Variants in GABPA observed in about 807,000 individuals in gnomAD.
The protein encoded by GABPA is GA-binding protein alpha chain.
GABPA carries 4 observed loss-of-function variants against 59.4 expected under a neutral mutation model. The ratio of observed to expected loss-of-function variants is 0.07; its 90% CI spans 0.03 to 0.15. The LOEUF (loss-of-function observed/expected upper bound fraction) is 0.15. GABPA is among the 10% of genes least tolerant of loss of function. GABPA has a pLI of 1.00. For synonymous variants in GABPA, 164 were observed against 183.1 expected, an observed-to-expected ratio of 0.90 and a Z score of 0.84; for missense variants, 251 against 543.8, an observed-to-expected ratio of 0.46 and a Z score of 5.36.
chr21:25,736,834 G>A (rs948728482), intron 1 of GABPA, among the ~76,000 whole-genome samples: 2 of 152,088 alleles, frequency 1.3e-5, no homozygotes, highest in Non-Finnish European at 2.9e-5. Context: ...TGTATGCTTT[G>A]CTTTTTCTTA....
At chr21:25,737,524 A>G (rs993372423) in intron 1 of GABPA, among the ~76,000 whole-genome samples, 3 of 151,122 alleles carry the variant, frequency 2.0e-5, no homozygotes, top group Non-Finnish European at 4.4e-5. Context: ...TTTTTTCTCT[A>G]TTTGGCACTT....
intron 5 of GABPA, among the ~76,000 whole-genome samples, chr21:25,753,981 A>G (rs1365386577): frequency 1.3e-5 from 2 of 152,152 alleles, no homozygotes. Flanking sequence ...TACCCATGGA[A>G]CTGAAAGAGA....
chr21:25,759,191 G>A (rs1028289873), intron 6 of GABPA, among the ~76,000 whole-genome samples: 3 of 152,116 alleles, frequency 2.0e-5, no homozygotes, highest in African/African-American at 7.2e-5. Context: ...TTAAGACACC[G>A]AAAGCAACCC....
intron 1 of GABPA, among the ~76,000 whole-genome samples, chr21:25,740,161 C>T (rs1004085786): frequency 6.6e-6 from 1 of 152,210 alleles, no homozygotes; most frequent in Admixed American, 6.5e-5. Flanking sequence ...CATGGAGCCA[C>T]AAGTGGTTTA....
At chr21:25,762,981 CT>C in intron 7 of GABPA, 5 of 380,416 alleles carry the variant, frequency 1.3e-5, no homozygotes, top group Admixed American at 3.4e-5. Context: ...TTTTGCTTGG[CT>C]TTTCCCCTTT....
rs898384946 is a variant in GABPA at position 25,735,189 on chromosome 21, T to G, written c.-416T>G. On this transcript the variant is annotated 5_prime_UTR_variant, in exon 1 of 10. Transcript: ENST00000400075. Reference sequence around the variant, plus strand: ...TACGCATGCGCTCTTTGAGTGGCCTTTCCCCTAGTTCAAGCTCCCCTCCGA... The same window carrying G: ...TACGCATGCGCTCTTTGAGTGGCCTGTCCCCTAGTTCAAGCTCCCCTCCGA... The G allele has an allele frequency of 3.3e-6, 2 of 599,474 alleles. No individual in the cohort carries two copies. Among genetic ancestry groups the G allele is most frequent in the Middle Eastern group, 8.0e-4 (2 of 2,502 alleles). 37.1% of individuals were successfully genotyped at this position (599,474 alleles called of 1,614,324 possible).
In GABPA at chr21:25,751,975, T is replaced by C; in HGVS notation, c.308-14T>C. 1 of 1,603,338 alleles carries C rather than the reference T, an allele frequency of 6.2e-7. No individual in the cohort carries two copies. On this transcript the variant is annotated splice_polypyrimidine_tract_variant and intron_variant, in intron 4 of 9. Transcript: ENST00000400075. ...TTCATTTAGATTTACAATTTTTTTT[T>C]ATCCACTGTTCAGGAATTGAACCAA...
At chr21:25,764,046 T>C (rs964012722) in intron 7 of GABPA, among the ~76,000 whole-genome samples, 164 bp from the exon 8 acceptor site, 3 of 152,166 alleles carry the variant, frequency 2.0e-5, no homozygotes, top group Admixed American at 6.6e-5. Flanking sequence ...TCTGAACTTT[T>C]TTGTTATTTT....
chr21:25,755,620 C>T lies in GABPA; in HGVS notation c.554-2390C>T, dbSNP rs76505610. 4.3e-3 allele frequency among the ~76,000 whole-genome samples: 649 copies of T among 152,028 alleles called. 4 individuals carry two copies. The highest frequency in any genetic ancestry group is 0.013 in the African/African-American group (555 of 41,456). On this transcript the variant is annotated intron_variant, in intron 5 of 9. Transcript: ENST00000400075. ...AGGGAGGAGGTAGAGAAGGTGGAGA[C>T]GGTCTCACTCTTCAGTTTATAGGCT...
intron 8 of GABPA, 91 bp downstream of exon 8, chr21:25,764,441 ACTATC>A (rs2146099306): frequency 1.4e-6 from 2 of 1,436,040 alleles, no homozygotes; most frequent in Admixed American, 2.3e-5. Flanking sequence ...GTGAATTTGG[ACTATC>A]CCTCTGGCAG....
At chr21:25,744,957 CAT>C (rs2035324128) in intron 2 of GABPA, among the ~76,000 whole-genome samples, 2 of 152,148 alleles carry the variant, frequency 1.3e-5, no homozygotes, top group Admixed American at 1.3e-4. Flanking sequence ...CACATACACA[CAT>C]ATGTATGTAC....
intron 2 of GABPA, among the ~76,000 whole-genome samples, 197 bp from the exon 3 acceptor site, chr21:25,745,013 C>T (rs2035326068): frequency 6.6e-6 from 1 of 152,198 alleles, no homozygotes; most frequent in Non-Finnish European, 1.5e-5. Flanking sequence ...AAATTTCAAG[C>T]TTAGCATTTC....
intron 8 of GABPA, 54 bp from the exon 9 acceptor site, chr21:25,764,541 C>T (rs2035843953): frequency 6.5e-7 from 1 of 1,530,142 alleles, no homozygotes; most frequent in African/African-American, 1.4e-5. Context: ...TTGTCTTTGC[C>T]TTGGGCTAAT....
rs185283544 is a variant in GABPA at position 25,754,889 on chromosome 21, A to G, written c.553+2655A>G. 2.6e-5 allele frequency among the ~76,000 whole-genome samples: 4 copies of G among 151,722 alleles called. No homozygotes were observed. The East Asian group carries it at 7.8e-4, about 30-fold the overall frequency. ...TAACATGGTAAAACCTGTTTCTACTAAAAACACAAAAATTAGCTGGGCGTG... is the reference window on the plus strand; with the variant it reads ...TAACATGGTAAAACCTGTTTCTACTGAAAACACAAAAATTAGCTGGGCGTG... On this transcript the variant is annotated intron_variant, in intron 5 of 9. Transcript: ENST00000400075.
At chr21:25,760,718 A>G (rs994677387) in intron 6 of GABPA, among the ~76,000 whole-genome samples, 1 of 152,122 alleles carries the variant, frequency 6.6e-6, no homozygotes, top group African/African-American at 2.4e-5. Context: ...ATGTTTCTTC[A>G]TAAAATGGCT....
At chr21:25,762,283 T>A in intron 6 of GABPA, 29 bp from the exon 7 acceptor site, 2 of 1,400,848 alleles carry the variant, frequency 1.4e-6, no homozygotes, top group South Asian at 2.6e-5. Context: ...TGGTTTTAAA[T>A]AAAAACAAAA....
intron 6 of GABPA, among the ~76,000 whole-genome samples, chr21:25,761,338 T>C (rs934964637): frequency 6.6e-6 from 1 of 152,188 alleles, no homozygotes; most frequent in African/African-American, 2.4e-5. Context: ...ACCAAAGTCA[T>C]ATAGTCAGTA....
At chr21:25,757,946 T>C in intron 5 of GABPA, 64 bp from the exon 6 acceptor site, 1 of 975,936 alleles carries the variant, frequency 1.0e-6, no homozygotes, top group South Asian at 2.3e-5. Context: ...TATTGAGAAG[T>C]TAACTGTAAA....
chr21:25,743,073 G>T (rs1445896867), intron 2 of GABPA, among the ~76,000 whole-genome samples: 2 of 152,152 alleles, frequency 1.3e-5, no homozygotes, highest in Non-Finnish European at 2.9e-5. Flanking sequence ...GTCTTGTAAA[G>T]ACTTGACTAG....
Sources: allele counts gnomAD v4.1 joint callset (sites outside exome capture counted in the v4.1 genomes callset), GRCh38; gene constraint gnomAD v4.1.1; transcripts MANE v1.5; gene names NCBI Gene and HGNC (gene_info 2026-07-23, HGNC 2026-07-21).